LDAH: variants seen among roughly 807,000 people sequenced by gnomAD.
The protein encoded by LDAH is lipid droplet associated hydrolase.
LDAH carries 26 observed loss-of-function variants against 29.6 expected under a neutral mutation model. The observed-to-expected ratio is 0.88, with a 90% CI of 0.64 to 1.22. The LOEUF (loss-of-function observed/expected upper bound fraction) is 1.22. LDAH is among the 50% of genes most tolerant of loss of function. LDAH has a pLI of 0.00. For synonymous variants in LDAH, 117 were observed against 133.0 expected (o/e 0.88, Z 0.83); for missense variants, 344 against 387.3 (o/e 0.89, Z 0.94).
intron 4 of LDAH, among the ~76,000 whole-genome samples, chr2:20,746,818 G>A (rs938149119): frequency 2.6e-5 from 4 of 151,956 alleles, no homozygotes; most frequent in Admixed American, 2.0e-4. Context: ...TCCCATGTTA[G>A]CCAATTCATT....
At chr2:20,740,274 C>G in intron 4 of LDAH, 69 bp from the exon 5 acceptor site, 2 of 1,026,636 alleles carry the variant, frequency 1.9e-6, no homozygotes, top group Non-Finnish European at 3.0e-6. Flanking sequence ...ATTGTCTCTT[C>G]TATATAGTAA....
At chr2:20,772,471 C>T (rs1669499940) in intron 4 of LDAH, among the ~76,000 whole-genome samples, 1 of 152,180 alleles carries the variant, frequency 6.6e-6, no homozygotes, top group Non-Finnish European at 1.5e-5. Flanking sequence ...ATCCTATGTC[C>T]ATGTTCTTGA....
rs556460762 is a variant in LDAH at position 20,770,839 on chromosome 2, C to CAGGCAGAG, written c.468+3963_468+3970dup. ...ATACCAGTATGCCCCACCCCAGATT[C>CAGGCAGAG]AGGCAGAGCCAAGGCTGAATACTGG... On this transcript the variant is annotated intron_variant, in intron 4 of 6. Transcript: ENST00000237822. 1.4e-3 allele frequency among the ~76,000 whole-genome samples: 208 copies of CAGGCAGAG among 152,296 alleles called. 3 individuals are homozygous for CAGGCAGAG. The South Asian group carries it at 0.038, about 28-fold the overall frequency.
In LDAH at chr2:20,698,426, A is replaced by G. The variant is rs1417229474; in HGVS notation, c.786+3144T>C. 6.6e-6 allele frequency among the ~76,000 whole-genome samples: 1 copy of G among 152,242 alleles called. No homozygotes were observed. The highest frequency in any genetic ancestry group is 1.5e-5 in the Non-Finnish European group (1 of 68,044). ...ACCTATAGGCCGGGCGCAGTGGCTCATGCCTGTAATCCCAGCACCTTGGGA... is the reference window on the plus strand; with the variant it reads ...ACCTATAGGCCGGGCGCAGTGGCTCGTGCCTGTAATCCCAGCACCTTGGGA... On this transcript the variant is annotated intron_variant, in intron 6 of 6. Transcript: ENST00000237822. This position sits in a 1 kb window ranked among gnomAD's most constrained non-coding sequence, Gnocchi z 4.4.
rs138849399 is a variant in LDAH at position 20,716,729 on chromosome 2, C to CATAT, written c.704-15081_704-15078dup. On this transcript the variant is annotated intron_variant, in intron 5 of 6. Coordinates refer to ENST00000237822, the MANE Select transcript of LDAH (RefSeq NM_021925.4). ...TACCCTAGAACTTTAAGTATATATACATATATATATATATATGAGTAGAGA... is the reference window on the plus strand; with the variant it reads ...TACCCTAGAACTTTAAGTATATATACATATATATATATATATATATGAGTAGAGA... Among the ~76,000 whole-genome samples the CATAT allele has an allele frequency of 2.0e-4, 25 of 124,546 alleles. 1 individual carries two copies. Among genetic ancestry groups the CATAT allele is most frequent in the African/African-American group, 5.8e-4 (21 of 36,508 alleles). The allele number at this position is 124,546 out of a possible 152,430, so 81.7% of individuals were successfully genotyped here.
At chr2:20,807,753 A>G (rs1484454677) in intron 1 of LDAH, among the ~76,000 whole-genome samples, 1 of 151,938 alleles carries the variant, frequency 6.6e-6, no homozygotes, top group African/African-American at 2.4e-5. Context: ...AATGTTTACT[A>G]AGGGTAAAAT....
At chr2:20,802,491 T>C (rs969166828) in intron 1 of LDAH, among the ~76,000 whole-genome samples, 1 of 152,154 alleles carries the variant, frequency 6.6e-6, no homozygotes, top group Admixed American at 6.5e-5. Context: ...AGGTCCCAAT[T>C]ATTTCTATCA....
chr2:20,792,050 T>C (rs184289941), intron 2 of LDAH, among the ~76,000 whole-genome samples: 331 of 152,270 alleles, frequency 2.2e-3, no homozygotes, highest in Middle Eastern at 0.017. Flanking sequence ...CTAAATTTTC[T>C]AGGCTGTTCT....
At chr2:20,720,248 A>C (rs1665553958) in intron 5 of LDAH, among the ~76,000 whole-genome samples, 1 of 152,132 alleles carries the variant, frequency 6.6e-6, no homozygotes, top group African/African-American at 2.4e-5. Context: ...GAACTGATAA[A>C]TAAAGATAGT....
At chr2:20,791,941 AT>A (rs1670987241) in intron 2 of LDAH, among the ~76,000 whole-genome samples, 3 of 151,990 alleles carry the variant, frequency 2.0e-5, no homozygotes, top group Non-Finnish European at 2.9e-5. Flanking sequence ...AATTCAGTTT[AT>A]TTTTCCTTTT....
chr2:20,701,722 A>G (rs1188709863), intron 5 of LDAH, 70 bp from the exon 6 acceptor site: 1 of 1,387,732 alleles, frequency 7.2e-7, no homozygotes, highest in South Asian at 1.2e-5. Context: ...AATTAATTTT[A>G]GTAAATTCAT....
intron 3 of LDAH, among the ~76,000 whole-genome samples, chr2:20,787,861 A>C (rs1670663535): frequency 1.3e-5 from 2 of 152,194 alleles, no homozygotes; most frequent in African/African-American, 4.8e-5. Flanking sequence ...AAAGCACTAA[A>C]AATATGGTCC....
chr2:20,814,497 G>A (rs1436385463), intron 1 of LDAH, among the ~76,000 whole-genome samples: 8 of 151,910 alleles, frequency 5.3e-5, no homozygotes, highest in Admixed American at 5.2e-4. Flanking sequence ...ATCTCACTTT[G>A]TCACCCAGGC....
chr2:20,747,350 T>G (rs1467902883), intron 4 of LDAH, among the ~76,000 whole-genome samples: 2 of 152,036 alleles, frequency 1.3e-5, no homozygotes, highest in African/African-American at 4.8e-5. Flanking sequence ...ACCCACCCAA[T>G]GTATTTATGG....
At chr2:20,804,751 T>G (rs1171222351) in intron 1 of LDAH, among the ~76,000 whole-genome samples, 1 of 152,198 alleles carries the variant, frequency 6.6e-6, no homozygotes, top group African/African-American at 2.4e-5. Context: ...CTAACCTCTA[T>G]GTTTAACCAA....
At chr2:20,696,993 T>C (rs186313963) in intron 6 of LDAH, among the ~76,000 whole-genome samples, 13 of 152,306 alleles carry the variant, frequency 8.5e-5, no homozygotes, top group Non-Finnish European at 1.5e-4. Context: ...TGTATACTTC[T>C]TTAGGCTGCT....
chr2:20,765,176 A>G (rs1276689481), intron 4 of LDAH, among the ~76,000 whole-genome samples: 1 of 152,226 alleles, frequency 6.6e-6, no homozygotes, highest in African/African-American at 2.4e-5. Flanking sequence ...AACCTGTTCC[A>G]ACAAAAGTTC....
intron 1 of LDAH, among the ~76,000 whole-genome samples, chr2:20,802,315 C>T (rs1671767535): frequency 1.3e-5 from 2 of 152,122 alleles, no homozygotes; most frequent in Non-Finnish European, 2.9e-5. Flanking sequence ...CCACCTCGGC[C>T]TCCCAAAGTG....
At chr2:20,687,709 C>T (rs1270575825) in intron 6 of LDAH, among the ~76,000 whole-genome samples, 1 of 152,162 alleles carries the variant, frequency 6.6e-6, no homozygotes, top group East Asian at 1.9e-4. Flanking sequence ...GAGACAGAGC[C>T]TCCTCTGTGG....
Sources: gnomAD v4.1 joint callset for allele counts (sites outside exome capture counted in the v4.1 genomes callset) on GRCh38, gnomAD v4.1.1 for gene constraint, Gnocchi (gnomAD v3.1) non-coding constraint, MANE v1.5 for transcripts, NCBI Gene and HGNC (gene_info 2026-07-23, HGNC 2026-07-21) for gene names.